LHX5: variants seen among roughly 807,000 people sequenced by gnomAD.
The protein encoded by LHX5 is LIM/homeobox protein Lhx5.
LHX5 carries 5 observed loss-of-function variants against 30.6 expected under a neutral mutation model. The ratio of observed to expected loss-of-function variants is 0.16; its 90% CI spans 0.09 to 0.34. LHX5 has a LOEUF of 0.34. Ranked by LOEUF, LHX5 falls within the 10% of genes least tolerant of loss-of-function variation. LHX5 has a pLI of 1.00. For missense variants in LHX5, 458 were observed against 570.6 expected (o/e 0.80, Z 2.01); for synonymous variants, 266 against 252.6 (o/e 1.05, Z -0.50).
In LHX5 at chr12:113,464,550, GA is replaced by G. The variant is rs1958200635; in HGVS notation, c.842-994del. On this transcript the variant is annotated intron_variant, in intron 4 of 4. Transcript: ENST00000261731. This position sits in a 1 kb window ranked among gnomAD's most constrained non-coding sequence, Gnocchi z 6.2. Reference sequence around the variant, plus strand: ...CATTTGTACCGGCCTAGCCTAGCCTGAGAAAGAGAAAACTGAGCTCCAGCGA... The same window carrying G: ...CATTTGTACCGGCCTAGCCTAGCCTGGAAAGAGAAAACTGAGCTCCAGCGA... 6.6e-6 allele frequency among the ~76,000 whole-genome samples: 1 copy of G among 152,166 alleles called. No individual in the cohort carries two copies. Among genetic ancestry groups the G allele is most frequent in the Non-Finnish European group, 1.5e-5 (1 of 68,028 alleles).
chr12:113,469,925 C>T (rs112638163), intron 1 of LHX5, among the ~76,000 whole-genome samples: 2 of 152,368 alleles, frequency 1.3e-5, no homozygotes, highest in African/African-American at 4.8e-5. Context: ...TCCAATCCAC[C>T]GCTCTGGGAC....
In LHX5 at chr12:113,463,212, A is replaced by G; in HGVS notation, c.1187T>C (p.Leu396Pro). ...GCCTTACCACACGGCGGCTTCGTTG[A>G]GCTCGGGGTTGGGATGCGACAGGGG... ...SGPLSHPNPE[L>P]NEAAVW The change falls in exon 5 of 5, where the codon CTC becomes CCC. Residue 396 changes from leucine (L) to proline (P), a missense_variant. By Grantham distance (98) the Leu-to-Pro change is moderately conservative (BLOSUM62 -3). Transcript: ENST00000261731. The surrounding 1 kb of genome is among the most constrained non-coding windows in gnomAD (Gnocchi z 6.7). The G allele has an allele frequency of 6.6e-7, 1 of 1,516,786 alleles. No individual in the cohort carries two copies. The highest frequency in any genetic ancestry group is 8.8e-7 in the Non-Finnish European group (1 of 1,138,462). 94.0% of individuals were successfully genotyped at this position (1,516,786 alleles called of 1,614,324 possible). A position where few individuals can be genotyped will look rare whatever the true frequency, so the allele number is the denominator to read the frequency against.
In LHX5 at chr12:113,463,672, C is replaced by T. The variant is rs1304161384; in HGVS notation, c.842-115G>A. On this transcript the variant is annotated intron_variant, in intron 4 of 4. Coordinates refer to ENST00000261731, the MANE Select transcript of LHX5 (RefSeq NM_022363.3). This position sits in a 1 kb window ranked among gnomAD's most constrained non-coding sequence, Gnocchi z 6.7. Reference sequence around the variant, plus strand: ...GGCGAGAGAGGGGAGCGCGCGACACCGACCCAAGGTTAGAGAGACCTGCGG... The same window carrying T: ...GGCGAGAGAGGGGAGCGCGCGACACTGACCCAAGGTTAGAGAGACCTGCGG... 1.7e-6 allele frequency: 2 copies of T among 1,143,590 alleles called. No homozygotes were observed. The highest frequency in any genetic ancestry group is 2.7e-5 in the East Asian group (1 of 37,304). The allele number at this position is 1,143,590 out of a possible 1,614,324, so 70.8% of individuals were successfully genotyped here. A position where few individuals can be genotyped will look rare whatever the true frequency, so the allele number is the denominator to read the frequency against.
rs969114679 is a variant in LHX5 at position 113,462,274 on chromosome 12, C to T, written c.*916G>A. ...TTATACAAAATAAGGAAACTAGAAGCGTTCAACTTCCAAAAAAGTATAATA... is the reference window on the plus strand; with the variant it reads ...TTATACAAAATAAGGAAACTAGAAGTGTTCAACTTCCAAAAAAGTATAATA... On this transcript the variant is annotated 3_prime_UTR_variant, in exon 5 of 5. Transcript: ENST00000261731. The T allele has an allele frequency of 9.2e-5, 14 of 152,136 alleles. No homozygotes were observed. Among genetic ancestry groups the T allele is most frequent in the Admixed American group, 3.3e-4 (5 of 15,284 alleles). The allele number at this position is 152,136 out of a possible 1,614,324, so 9.4% of individuals were successfully genotyped here. A position where few individuals can be genotyped will look rare whatever the true frequency, so the allele number is the denominator to read the frequency against.
chr12:113,466,449 G>A lies in LHX5; in HGVS notation c.841+807C>T, dbSNP rs1958215727. ...GACAGCTCACCCCAGGCCCAAGCCT[G>A]GTACCACCATCTGAAGCCCTTTGTA... On this transcript the variant is annotated intron_variant, in intron 4 of 4. Transcript: ENST00000261731. This position sits in a 1 kb window ranked among gnomAD's most constrained non-coding sequence, Gnocchi z 6.5. 6.6e-6 allele frequency among the ~76,000 whole-genome samples: 1 copy of A among 152,176 alleles called. No individual in the cohort carries two copies. Among genetic ancestry groups the A allele is most frequent in the Non-Finnish European group, 1.5e-5 (1 of 68,036 alleles).
At chr12:113,468,517 C>G (rs1230345637) in intron 2 of LHX5, 113 bp from the exon 3 acceptor site, 1 of 1,320,340 alleles carries the variant, frequency 7.6e-7, no homozygotes, top group African/African-American at 1.5e-5. Flanking sequence ...AGGCTACGGC[C>G]AGCCCCGCTG....
In LHX5 at chr12:113,464,420, G is replaced by C. The variant is rs979880202; in HGVS notation, c.842-863C>G. Among the ~76,000 whole-genome samples, 1 of 152,222 alleles carries C rather than the reference G, an allele frequency of 6.6e-6. No homozygotes were observed. The highest frequency in any genetic ancestry group is 1.5e-5 in the Non-Finnish European group (1 of 68,032). On this transcript the variant is annotated intron_variant, in intron 4 of 4. Coordinates refer to ENST00000261731, the MANE Select transcript of LHX5 (RefSeq NM_022363.3). This position sits in a 1 kb window ranked among gnomAD's most constrained non-coding sequence, Gnocchi z 6.2. Reference sequence around the variant, plus strand: ...GCAGGAGCGACTGGTGGGTTGGGCCGGGCGGGGCGGCCTTGGCGCCCTAAA... The same window carrying C: ...GCAGGAGCGACTGGTGGGTTGGGCCCGGCGGGGCGGCCTTGGCGCCCTAAA...
chr12:113,463,573 G>A lies in LHX5; in HGVS notation c.842-16C>T, dbSNP rs191028909. Reference sequence around the variant, plus strand: ...CCTTGGTAGTCTGCGGAGGGGGAGCGGGAAGGAGACAGGGCGCGGTGAGAG... The same window carrying A: ...CCTTGGTAGTCTGCGGAGGGGGAGCAGGAAGGAGACAGGGCGCGGTGAGAG... On this transcript the variant is annotated splice_polypyrimidine_tract_variant and intron_variant, in intron 4 of 4. Coordinates refer to ENST00000261731, the MANE Select transcript of LHX5 (RefSeq NM_022363.3). This position sits in a 1 kb window ranked among gnomAD's most constrained non-coding sequence, Gnocchi z 6.7. The A allele has an allele frequency of 5.1e-3, 7,654 of 1,509,128 alleles. 22 individuals carry two copies. The highest frequency in any genetic ancestry group is 6.1e-3 in the Non-Finnish European group (6,875 of 1,135,240). The allele number at this position is 1,509,128 out of a possible 1,614,324, so 93.5% of individuals were successfully genotyped here.
chr12:113,468,784 G>A (rs1318904439), intron 2 of LHX5, among the ~76,000 whole-genome samples: 4 of 152,182 alleles, frequency 2.6e-5, no homozygotes, highest in Non-Finnish European at 4.4e-5. Context: ...CTCAATTAAT[G>A]TCCTTCCAGT....
Position 113,464,321 on chromosome 12 carries a change from A to T in LHX5, c.842-764T>A, listed in dbSNP as rs1327482868. Among the ~76,000 whole-genome samples, 1 of 152,114 alleles carries T rather than the reference A, an allele frequency of 6.6e-6. No individual in the cohort carries two copies. Among genetic ancestry groups the T allele is most frequent in the African/African-American group, 2.4e-5 (1 of 41,446 alleles). Reference sequence around the variant, plus strand: ...GAGAGGAACCGGGCAGGGACAAACCAGCGGACAGAGCAGAGCGCGAAATGG... The same window carrying T: ...GAGAGGAACCGGGCAGGGACAAACCTGCGGACAGAGCAGAGCGCGAAATGG... On this transcript the variant is annotated intron_variant, in intron 4 of 4. Transcript: ENST00000261731. This position sits in a 1 kb window ranked among gnomAD's most constrained non-coding sequence, Gnocchi z 6.2.
chr12:113,471,600 G>T lies in LHX5; in HGVS notation c.-102C>A. Reference sequence around the variant, plus strand: ...CTGCCCTTCGCCTCTTGTCTCAGCAGCTGCAGGGCGAGTCTGGTCCGGACC... The same window carrying T: ...CTGCCCTTCGCCTCTTGTCTCAGCATCTGCAGGGCGAGTCTGGTCCGGACC... On this transcript the variant is annotated 5_prime_UTR_variant, in exon 1 of 5. In the 5' UTR this introduces an upstream ATG that the reference lacks. Coordinates refer to ENST00000261731, the MANE Select transcript of LHX5 (RefSeq NM_022363.3). 8.8e-7 allele frequency: 1 copy of T among 1,139,698 alleles called. No homozygotes were observed. Among genetic ancestry groups the T allele is most frequent in the Non-Finnish European group, 1.2e-6 (1 of 813,708 alleles). The allele number at this position is 1,139,698 out of a possible 1,614,324, so 70.6% of individuals were successfully genotyped here. A position where few individuals can be genotyped will look rare whatever the true frequency, so the allele number is the denominator to read the frequency against.
chr12:113,471,698 G>A lies in LHX5; in HGVS notation c.-200C>T. 1 of 536,000 alleles carries A rather than the reference G, an allele frequency of 1.9e-6. No homozygotes were observed. Among genetic ancestry groups the A allele is most frequent in the Non-Finnish European group, 3.2e-6 (1 of 311,808 alleles). 33.2% of individuals were successfully genotyped at this position (536,000 alleles called of 1,614,324 possible). ...GCTGCCCGGAGTGGGGTGGTGGGGG[G>A]CGGGTGGCGTTCACAACCTCATGCC... On this transcript the variant is annotated 5_prime_UTR_variant, in exon 1 of 5. Coordinates refer to ENST00000261731, the MANE Select transcript of LHX5 (RefSeq NM_022363.3).
chr12:113,468,220 C>T lies in LHX5; in HGVS notation c.582G>A (p.Thr194=), dbSNP rs538546431. ...RTTIKAKQLE[T]LKAAFAATPK... ...GCGTGGCGGCGAAGGCAGCCTTGAG[C>T]GTCTCCAGCTGCTTGGCCTTGATGG... is the stretch of plus-strand genomic sequence containing the variant. The change falls in exon 3 of 5, where the codon ACG becomes ACA. Residue 194 remains threonine, a synonymous_variant. Transcript: ENST00000261731. The T allele has an allele frequency of 6.2e-7, 1 of 1,613,916 alleles. No individual in the cohort carries two copies. The highest frequency in any genetic ancestry group is 1.3e-5 in the African/African-American group (1 of 75,062).
At chr12:113,469,967 A>G (rs569264318) in intron 1 of LHX5, among the ~76,000 whole-genome samples, 1 of 152,344 alleles carries the variant, frequency 6.6e-6, no homozygotes, top group South Asian at 2.1e-4. Context: ...TGTGGACAGC[A>G]GGGCCTCATA....
chr12:113,471,187 A>G (rs1416937960), intron 1 of LHX5, 139 bp downstream of exon 1: 2 of 860,692 alleles, frequency 2.3e-6, no homozygotes, highest in East Asian at 2.7e-5. Context: ...ACAGGAGGAG[A>G]GCAAAGTGCT....
Position 113,463,280 on chromosome 12 carries a change from G to T in LHX5, c.1119C>A (p.Pro373=), listed in dbSNP as rs1262545827. The change falls in exon 5 of 5, where the codon CCC becomes CCA. Residue 373 remains proline (P), a synonymous_variant. Coordinates refer to ENST00000261731, the MANE Select transcript of LHX5 (RefSeq NM_022363.3). The surrounding 1 kb of genome is among the most constrained non-coding windows in gnomAD (Gnocchi z 6.7). Reference sequence around the variant, plus strand: ...TGCCGCTCATTGGGAAGGGCGGGCTGGGCCCGCCGCTGAATACCTCGCCGG... The same window carrying T: ...TGCCGCTCATTGGGAAGGGCGGGCTTGGCCCGCCGCTGAATACCTCGCCGG... ...PMPGEVFSGG[P]SPPFPMSGTS... is the part of the protein sequence containing the mutation. 2.6e-6 allele frequency: 4 copies of T among 1,524,842 alleles called. No homozygotes were observed. The highest frequency in any genetic ancestry group is 2.6e-6 in the Non-Finnish European group (3 of 1,140,184). 94.5% of individuals were successfully genotyped at this position (1,524,842 alleles called of 1,614,324 possible).
chr12:113,462,927 T>G lies in LHX5; in HGVS notation c.*263A>C. The G allele has an allele frequency of 7.8e-6, 3 of 384,396 alleles. No individual in the cohort carries two copies. Among genetic ancestry groups the G allele is most frequent in the Non-Finnish European group, 4.7e-6 (1 of 213,086 alleles). The allele number at this position is 384,396 out of a possible 1,614,324, so 23.8% of individuals were successfully genotyped here. A position where few individuals can be genotyped will look rare whatever the true frequency, so the allele number is the denominator to read the frequency against. On this transcript the variant is annotated 3_prime_UTR_variant, in exon 5 of 5. Coordinates refer to ENST00000261731, the MANE Select transcript of LHX5 (RefSeq NM_022363.3). ...CTCTTGACCCTCCGGAGTATTGACT[T>G]TGGTCCCAAGAAATTGCTCGCGGTT...
Position 113,467,119 on chromosome 12 carries a change from G to T in LHX5, c.841+137C>A. On this transcript the variant is annotated intron_variant, in intron 4 of 4. Transcript: ENST00000261731. The surrounding 1 kb of genome is among the most constrained non-coding windows in gnomAD (Gnocchi z 6.3). ...TTGTGTCCAGGACATGTGGGTGAGT[G>T]TACATGTGTCTGTGATCGTGTGTCC... The T allele has an allele frequency of 1.2e-6, 1 of 807,724 alleles. No homozygotes were observed. Among genetic ancestry groups the T allele is most frequent in the Non-Finnish European group, 1.8e-6 (1 of 558,616 alleles). 50.0% of individuals were successfully genotyped at this position (807,724 alleles called of 1,614,324 possible).
chr12:113,466,772 G>T lies in LHX5; in HGVS notation c.841+484C>A, dbSNP rs993735481. Among the ~76,000 whole-genome samples, 3 of 152,140 alleles carry T rather than the reference G, an allele frequency of 2.0e-5. No individual in the cohort carries two copies. Among genetic ancestry groups the T allele is most frequent in the Non-Finnish European group, 4.4e-5 (3 of 68,028 alleles). On this transcript the variant is annotated intron_variant, in intron 4 of 4. Transcript: ENST00000261731. The surrounding 1 kb of genome is among the most constrained non-coding windows in gnomAD (Gnocchi z 6.5). ...CTCCAGCGCTCGGAATCCACCTCATGCCAAGTACACCAGGCACAGGGCGGC... is the reference window on the plus strand; with the variant it reads ...CTCCAGCGCTCGGAATCCACCTCATTCCAAGTACACCAGGCACAGGGCGGC...
Sources: gnomAD v4.1 joint callset for allele counts (sites outside exome capture counted in the v4.1 genomes callset) on GRCh38, gnomAD v4.1.1 for gene constraint, Gnocchi (gnomAD v3.1) non-coding constraint, MANE v1.5 for transcripts, NCBI Gene and HGNC (gene_info 2026-07-23, HGNC 2026-07-21) for gene names.